The following FGF13 variants were observed in gnomAD, a reference collection of about 807,000 sequenced individuals.
The protein encoded by FGF13 is fibroblast growth factor 13, also known as fibroblast growth factor homologous factor 2.
FGF13 carries 2 observed loss-of-function variants against 19.5 expected under a neutral mutation model. The ratio of observed to expected loss-of-function variants is 0.10; its 90% CI spans 0.04 to 0.32. FGF13 has a LOEUF of 0.32. Among genes scored for constraint, FGF13 ranks in the 10% least tolerant of loss-of-function variants. The pLI, the probability that FGF13 is intolerant of heterozygous loss-of-function variation, is 1.00. For synonymous variants in FGF13, 72 were observed against 76.9 expected (o/e 0.94, Z 0.33); for missense variants, 113 against 192.7 (o/e 0.59, Z 2.45).
chrX:139,051,741 T>C (rs1455586772), intron 1 of FGF13, among the ~76,000 whole-genome samples: 2 of 112,824 alleles, frequency 1.8e-5, no homozygotes, highest in Admixed American at 9.3e-5. Flanking sequence ...ACTAGCAGTC[T>C]GCCTGTGCAG....
intron 1 of FGF13, among the ~76,000 whole-genome samples, chrX:138,908,227 C>A (rs1479011633): frequency 9.4e-6 from 1 of 106,437 alleles, no homozygotes; most frequent in African/African-American, 3.6e-5. Flanking sequence ...CCCGCCACTG[C>A]GCCCGGCTAA....
chrX:138,924,001 C>T (rs1440212178), intron 1 of FGF13, among the ~76,000 whole-genome samples: 2 of 112,036 alleles, frequency 1.8e-5, no homozygotes, highest in African/African-American at 3.2e-5. Flanking sequence ...GAAAGGATAA[C>T]CATGTTGAAA....
intron 1 of FGF13, among the ~76,000 whole-genome samples, chrX:138,987,578 A>G (rs1285265114): frequency 7.1e-5 from 8 of 112,326 alleles, no homozygotes; most frequent in Non-Finnish European, 1.9e-5. Context: ...ACTGACCAAA[A>G]TGACTTCTTA....
chrX:139,087,733 T>C (rs1299927679), intron 1 of FGF13, among the ~76,000 whole-genome samples: 1 of 111,874 alleles, frequency 8.9e-6, no homozygotes, highest in Non-Finnish European at 1.9e-5. Context: ...TTTATCTGGG[T>C]CTCAAAAGCA....
At chrX:138,813,299 G>A (rs1428776197) in intron 3 of FGF13, among the ~76,000 whole-genome samples, 1 of 111,433 alleles carries the variant, frequency 9.0e-6, no homozygotes, top group East Asian at 2.8e-4. Flanking sequence ...TCATTGCGGA[G>A]TCTAGCCAGA....
chrX:138,665,257 T>C lies in FGF13; in HGVS notation c.403-29602A>G, dbSNP rs2089529414. Among the ~76,000 whole-genome samples, 2 of 111,414 alleles carry C rather than the reference T, an allele frequency of 1.8e-5. 1 individual carries two copies. The highest frequency in any genetic ancestry group is 7.5e-4 in the South Asian group (2 of 2,653). ...GCCTTAGAATCTGTGTCAATTCTTCTTCAAGTATCATAGGGATTCCACGGC... is the reference window on the plus strand; with the variant it reads ...GCCTTAGAATCTGTGTCAATTCTTCCTCAAGTATCATAGGGATTCCACGGC... On this transcript the variant is annotated intron_variant, in intron 3 of 4. Transcript: ENST00000315930.
intron 1 of FGF13, among the ~76,000 whole-genome samples, chrX:139,152,859 T>C (rs2083946110): frequency 9.0e-6 from 1 of 110,847 alleles, no homozygotes; most frequent in African/African-American, 3.3e-5. Flanking sequence ...TTTGTACTGC[T>C]CCTTTACTGG....
chrX:138,819,075 G>A (rs935352772), intron 3 of FGF13, among the ~76,000 whole-genome samples: 7 of 110,546 alleles, frequency 6.3e-5, no homozygotes, highest in African/African-American at 1.3e-4. Context: ...CTTTTTTTTC[G>A]GAAGCCCCAT....
At chrX:138,808,339 C>T (rs1422159116) in intron 3 of FGF13, among the ~76,000 whole-genome samples, 1 of 111,997 alleles carries the variant, frequency 8.9e-6, no homozygotes, top group Non-Finnish European at 1.9e-5. Flanking sequence ...TCCTGAATGA[C>T]TACTGGGTAC....
intron 3 of FGF13, among the ~76,000 whole-genome samples, chrX:138,771,805 A>T (rs2124344386): frequency 9.1e-6 from 1 of 109,838 alleles, no homozygotes; most frequent in African/African-American, 3.3e-5. Flanking sequence ...GTCACTGCTA[A>T]ATTCTGTACA....
chrX:138,649,428 AAC>A (rs1386763781), intron 3 of FGF13, among the ~76,000 whole-genome samples: 3 of 111,919 alleles, frequency 2.7e-5, no homozygotes, highest in African/African-American at 6.5e-5. Context: ...AACTAAAATA[AAC>A]ACAGTCAGTT....
At chrX:139,028,672 A>C (rs1183290934) in intron 1 of FGF13, among the ~76,000 whole-genome samples, 2 of 54,221 alleles carry the variant, frequency 3.7e-5, no homozygotes, top group East Asian at 1.2e-3. Context: ...AGAAAGAGAG[A>C]GTGTGTGTGA....
At chrX:138,695,026 CACACACAA>C (rs1216403632) in intron 3 of FGF13, among the ~76,000 whole-genome samples, 3 of 98,493 alleles carry the variant, frequency 3.0e-5, no homozygotes, top group African/African-American at 7.7e-5. Flanking sequence ...CACACACACA[CACACACAA>C]ACCCAGAAAA....
At chrX:138,866,588 C>T (rs1473611852) in intron 1 of FGF13, among the ~76,000 whole-genome samples, 1 of 110,858 alleles carries the variant, frequency 9.0e-6, no homozygotes, top group Non-Finnish European at 1.9e-5. Flanking sequence ...CCCACCACCA[C>T]TTACCACCAG....
chrX:139,162,902 C>A (rs976616057), intron 1 of FGF13, among the ~76,000 whole-genome samples: 1 of 112,006 alleles, frequency 8.9e-6, no homozygotes, highest in Non-Finnish European at 1.9e-5. Context: ...ACAGATGCTA[C>A]AGAGGATGTG....
At chrX:139,165,887 C>T (rs1181379347) in intron 1 of FGF13, among the ~76,000 whole-genome samples, 1 of 111,752 alleles carries the variant, frequency 8.9e-6, no homozygotes, top group African/African-American at 3.3e-5. Flanking sequence ...CATTTTCTCC[C>T]ATTTGGAATG....
At chrX:138,848,494 T>C (rs1309152712) in intron 3 of FGF13, among the ~76,000 whole-genome samples, 1 of 111,843 alleles carries the variant, frequency 8.9e-6, no homozygotes, top group Non-Finnish European at 1.9e-5. Flanking sequence ...TAAATTTTTT[T>C]CCAGTTATAA....
chrX:138,954,748 T>C (rs1290748338), intron 1 of FGF13, among the ~76,000 whole-genome samples: 2 of 111,967 alleles, frequency 1.8e-5, no homozygotes, highest in Non-Finnish European at 3.8e-5. Flanking sequence ...ACGTTCACCC[T>C]ATTCTGTATT....
intron 1 of FGF13, among the ~76,000 whole-genome samples, chrX:138,722,466 A>G (rs951515565): frequency 1.8e-5 from 2 of 111,424 alleles, no homozygotes; most frequent in African/African-American, 6.5e-5. Context: ...AAATTGGTCC[A>G]TGAGAGGACA....
Sources: gnomAD v4.1 joint callset for allele counts (sites outside exome capture counted in the v4.1 genomes callset) on GRCh38, gnomAD v4.1.1 for gene constraint, MANE v1.5 for transcripts, NCBI Gene and HGNC (gene_info 2026-07-23, HGNC 2026-07-21) for gene names.